Variants in PRKD3 observed in about 807,000 individuals in gnomAD.
PRKD3 encodes serine/threonine-protein kinase D3.
PRKD3 carries 47 observed loss-of-function variants against 99.2 expected under a neutral mutation model. That is an observed-to-expected ratio of 0.47 (90% CI 0.38 to 0.60). PRKD3 has a LOEUF of 0.60. PRKD3 is among the 20% of genes least tolerant of loss of function. The probability of loss-of-function intolerance (pLI) is 0.00; values close to 1 mark genes in which losing one functional copy is unlikely to be tolerated. For synonymous variants in PRKD3, 392 were observed against 355.4 expected, an observed-to-expected ratio of 1.10 and a Z score of -1.16; for missense variants, 1,019 against 1,088.4, an observed-to-expected ratio of 0.94 and a Z score of 0.90.
At position 37,269,948 on chromosome 2, in the gene PRKD3, C is replaced by A. The variant is rs1417460927; in HGVS notation, c.1705-261G>T. ...GCATTTTAAAAATCTTGTATTTAGG[C>A]CTGGCGTGGTGGCTCACGCCTGTAA... On this transcript the variant is annotated intron_variant, in intron 12 of 18. Coordinates refer to ENST00000234179, the MANE Select transcript of PRKD3 (RefSeq NM_005813.6). Among the ~76,000 whole-genome samples the A allele has an allele frequency of 4.6e-5, 7 of 152,286 alleles. No homozygotes were observed. In the East Asian group the frequency reaches 1.3e-3, roughly 29 times the overall value.
chr2:37,262,763 C>T (rs1031236601), intron 14 of PRKD3, among the ~76,000 whole-genome samples: 2 of 152,162 alleles, frequency 1.3e-5, no homozygotes, highest in African/African-American at 4.8e-5. Context: ...TTAACAACTT[C>T]CTCTATTGGT....
intron 14 of PRKD3, among the ~76,000 whole-genome samples, chr2:37,266,365 G>T (rs1438359091): frequency 6.6e-5 from 10 of 152,092 alleles, no homozygotes; most frequent in Non-Finnish European, 1.3e-4. Context: ...CCCTCTTGTT[G>T]CCCAGGCTGG....
rs1369951652 is a variant in PRKD3, at chr2:37,269,704, A to G, written c.1705-17T>C. The G allele has an allele frequency of 1.9e-6, 3 of 1,551,058 alleles. No individual in the cohort carries two copies. Among genetic ancestry groups the G allele is most frequent in the African/African-American group, 1.4e-5 (1 of 73,278 alleles). On this transcript the variant is annotated splice_polypyrimidine_tract_variant and intron_variant, in intron 12 of 18. Transcript: ENST00000234179. ...ACTGATATCCTGGTAGGATAAAGTA[A>G]GGAGTTAGTATTATTTATTTCTATA...
At position 37,283,328 on chromosome 2, in the gene PRKD3, A is replaced by T. The variant is rs76580925; in HGVS notation, c.911-709T>A. Among the ~76,000 whole-genome samples the T allele has an allele frequency of 2.1e-3, 307 of 145,926 alleles. 3 individuals carry two copies. In the East Asian group the frequency reaches 0.026, roughly 12 times the overall value. The stretch of plus-strand genomic sequence containing the variant: ...AGGGTAGGGCTGAGCTCTGTAAGTC[A>T]TACTGAAGTTGAGACCCACTGGTCT... On this transcript the variant is annotated intron_variant, in intron 6 of 18. Transcript: ENST00000234179.
At chr2:37,285,602 G>A (rs115641247) in intron 6 of PRKD3, among the ~76,000 whole-genome samples, 1,829 of 152,246 alleles carry the variant, frequency 0.012, 22 homozygotes, top group African/African-American at 0.027. Flanking sequence ...AGAGGAAAGC[G>A]TTATTTTTAT....
At chr2:37,285,824 ACTAC>A (rs1670065696) in intron 6 of PRKD3, among the ~76,000 whole-genome samples, 1 of 152,108 alleles carries the variant, frequency 6.6e-6, no homozygotes, top group Non-Finnish European at 1.5e-5. Context: ...GACTCCTATT[ACTAC>A]TAACTCCTAT....
intron 5 of PRKD3, among the ~76,000 whole-genome samples, chr2:37,287,685 C>T (rs968442605): frequency 4.6e-5 from 7 of 152,106 alleles, no homozygotes; most frequent in Admixed American, 1.3e-4. Context: ...TATAACAGGG[C>T]CTGGCATACA....
intron 6 of PRKD3, among the ~76,000 whole-genome samples, chr2:37,283,143 T>C (rs937742084): frequency 6.6e-6 from 1 of 152,238 alleles, no homozygotes; most frequent in African/African-American, 2.4e-5. Flanking sequence ...GTTGATAGCA[T>C]TGCAGATCAG....
In PRKD3 at chr2:37,269,499, C is replaced by T. The variant is rs1403629896; in HGVS notation, c.1777+116G>A. 1.1e-5 allele frequency: 9 copies of T among 830,602 alleles called. No homozygotes were observed. The Admixed American group carries it at 1.4e-4, about 13-fold the overall frequency. The allele number at this position is 830,602 out of a possible 1,614,324, so 51.5% of individuals were successfully genotyped here. On this transcript the variant is annotated intron_variant, in intron 13 of 18. Coordinates refer to ENST00000234179, the MANE Select transcript of PRKD3 (RefSeq NM_005813.6). Reference sequence around the variant, plus strand: ...TTTAGCTGAAAGATAACAAGTCAGCCTTTAAAAAAAAGGCACTGGACAAAA... The same window carrying T: ...TTTAGCTGAAAGATAACAAGTCAGCTTTTAAAAAAAAGGCACTGGACAAAA...
intron 1 of PRKD3, 28 bp downstream of exon 1, chr2:37,324,653 T>C (rs1672045367): frequency 6.6e-6 from 1 of 151,298 alleles, no homozygotes; most frequent in South Asian, 2.1e-4. Context: ...TCGGTGTCTG[T>C]TCAGCGCTCC....
chr2:37,261,545 C>T (rs1290701591), intron 14 of PRKD3, among the ~76,000 whole-genome samples: 1 of 151,894 alleles, frequency 6.6e-6, no homozygotes. Flanking sequence ...TTTTGCGAGG[C>T]CAAGGCAGGC....
chr2:37,302,128 C>T (rs1329057718), intron 2 of PRKD3, among the ~76,000 whole-genome samples: 2 of 152,158 alleles, frequency 1.3e-5, no homozygotes, highest in African/African-American at 4.8e-5. Flanking sequence ...TAATTCCTTA[C>T]CTGGCCTACC....
chr2:37,312,072 A>C (rs937556630), intron 2 of PRKD3, among the ~76,000 whole-genome samples: 5 of 152,222 alleles, frequency 3.3e-5, no homozygotes, highest in Non-Finnish European at 5.9e-5. Flanking sequence ...TTCTTTTTCC[A>C]TAAATATGAC....
intron 5 of PRKD3, 21 bp from the exon 6 acceptor site, chr2:37,286,390 A>G (rs777609851): frequency 1.3e-4 from 216 of 1,600,596 alleles, no homozygotes; most frequent in Non-Finnish European, 1.6e-4. Context: ...AGTAATTTTC[A>G]TAAGTGTAAG....
intron 14 of PRKD3, among the ~76,000 whole-genome samples, chr2:37,262,708 T>G (rs1668559296): frequency 6.6e-6 from 1 of 152,196 alleles, no homozygotes; most frequent in Non-Finnish European, 1.5e-5. Flanking sequence ...TAAAAACACG[T>G]GGACACACAA....
At chr2:37,288,209 T>G (rs1029725986) in intron 5 of PRKD3, among the ~76,000 whole-genome samples, 2 of 152,230 alleles carry the variant, frequency 1.3e-5, no homozygotes, top group Admixed American at 6.5e-5. Context: ...TCTACTGTCC[T>G]CATTCCTAGG....
chr2:37,275,189 GC>G (rs1669505300), intron 10 of PRKD3, among the ~76,000 whole-genome samples: 1 of 137,300 alleles, frequency 7.3e-6, no homozygotes, highest in African/African-American at 2.6e-5. Context: ...ACTTCCTAAG[GC>G]AAAAAAAAAA....
intron 2 of PRKD3, among the ~76,000 whole-genome samples, chr2:37,313,624 A>AT (rs1671537984): frequency 6.6e-6 from 1 of 152,256 alleles, no homozygotes; most frequent in East Asian, 1.9e-4. Context: ...CAGAGAGGTC[A>AT]TAAGTAAAGC....
chr2:37,308,339 TC>T (rs903288815), intron 2 of PRKD3, among the ~76,000 whole-genome samples: 1 of 152,250 alleles, frequency 6.6e-6, no homozygotes, highest in Non-Finnish European at 1.5e-5. Flanking sequence ...CTGCCTGCTG[TC>T]CAGAGGTTTG....
Sources: gnomAD v4.1 joint callset for allele counts (sites outside exome capture counted in the v4.1 genomes callset) on GRCh38, gnomAD v4.1.1 for gene constraint, MANE v1.5 for transcripts, NCBI Gene and HGNC (gene_info 2026-07-23, HGNC 2026-07-21) for gene names.